Variants in BTNL9 observed in about 807,000 individuals in gnomAD.
BTNL9 encodes butyrophilin-like protein 9.
A neutral mutation model predicts 45.8 loss-of-function variants in BTNL9; 45 were observed. That is an observed-to-expected ratio of 0.98 (90% CI 0.77 to 1.26). The LOEUF (loss-of-function observed/expected upper bound fraction) is 1.26, where lower values mean the gene tolerates loss of function less well. Among genes scored for constraint, BTNL9 ranks in the 50% most tolerant of loss-of-function variants. The probability of loss-of-function intolerance (pLI) is 0.00; values close to 1 mark genes in which losing one functional copy is unlikely to be tolerated. For synonymous variants in BTNL9, 346 were observed against 330.8 expected (o/e 1.05, Z -0.50); for missense variants, 784 against 729.7 (o/e 1.07, Z -0.86).
chr5:181,043,696 C>T (rs1760927815), intron 1 of BTNL9, among the ~76,000 whole-genome samples: 1 of 152,188 alleles, frequency 6.6e-6, no homozygotes, highest in African/African-American at 2.4e-5. Flanking sequence ...GGAGCTCTAA[C>T]CTGTGTCTAG....
Position 181,053,128 on chromosome 5 carries a change from C to A in BTNL9, c.737-72C>A. ...CCGCGGGAGGTTTCCCGGCACGCGGCGGGCAGGCCGGTCTCGCCTCTCGGT... is the reference window on the plus strand; with the variant it reads ...CCGCGGGAGGTTTCCCGGCACGCGGAGGGCAGGCCGGTCTCGCCTCTCGGT... On this transcript the variant is annotated intron_variant, in intron 4 of 10. Coordinates refer to ENST00000327705, the MANE Select transcript of BTNL9 (RefSeq NM_152547.5). The surrounding 1 kb of genome is among the most constrained non-coding windows in gnomAD (Gnocchi z 6.5). 2 of 1,299,584 alleles carry A rather than the reference C, an allele frequency of 1.5e-6. No homozygotes were observed. Among genetic ancestry groups the A allele is most frequent in the Non-Finnish European group, 2.1e-6 (2 of 951,780 alleles). The allele number at this position is 1,299,584 out of a possible 1,614,324, so 80.5% of individuals were successfully genotyped here.
In BTNL9 at chr5:181,053,080, T is replaced by C. The variant is rs559743306; in HGVS notation, c.737-120T>C. Reference sequence around the variant, plus strand: ...GCTCCACGCCCGTTTCCCAGGCGGCTGCGGTGGCGCCCGGAGAAGGTCCCG... The same window carrying C: ...GCTCCACGCCCGTTTCCCAGGCGGCCGCGGTGGCGCCCGGAGAAGGTCCCG... On this transcript the variant is annotated intron_variant, in intron 4 of 10. Transcript: ENST00000327705. The surrounding 1 kb of genome is among the most constrained non-coding windows in gnomAD (Gnocchi z 6.5). The C allele has an allele frequency of 2.6e-4, 205 of 780,238 alleles. 2 individuals are homozygous for C. The South Asian group carries it at 3.8e-3, about 15-fold the overall frequency. 48.3% of individuals were successfully genotyped at this position (780,238 alleles called of 1,614,324 possible).
rs774252159 is a variant in BTNL9, at chr5:181,053,193, T to C, written c.737-7T>C. ...GGACCGACACGGCCCCCGCGGGTGT[T>C]TTCCAGACGTGTTCGTACCCGGAGC... is the stretch of plus-strand genomic sequence containing the variant. On this transcript the variant is annotated splice_region_variant and splice_polypyrimidine_tract_variant and intron_variant, in intron 4 of 10. Transcript: ENST00000327705. This position sits in a 1 kb window ranked among gnomAD's most constrained non-coding sequence, Gnocchi z 6.5. 8.8e-5 allele frequency: 138 copies of C among 1,574,128 alleles called. No homozygotes were observed. The highest frequency in any genetic ancestry group is 1.2e-4 in the Non-Finnish European group (134 of 1,161,560).
chr5:181,058,252 G>A (rs1761983313), intron 9 of BTNL9, 100 bp from the exon 10 acceptor site: 7 of 1,365,356 alleles, frequency 5.1e-6, no homozygotes, highest in Non-Finnish European at 7.3e-6. Context: ...GGGGTCATTC[G>A]ATCTGCATGC....
chr5:181,053,121 C>T lies in BTNL9; in HGVS notation c.737-79C>T. On this transcript the variant is annotated intron_variant, in intron 4 of 10. Coordinates refer to ENST00000327705, the MANE Select transcript of BTNL9 (RefSeq NM_152547.5). The surrounding 1 kb of genome is among the most constrained non-coding windows in gnomAD (Gnocchi z 6.5). ...GAAGGTCCCGCGGGAGGTTTCCCGGCACGCGGCGGGCAGGCCGGTCTCGCC... is the reference window on the plus strand; with the variant it reads ...GAAGGTCCCGCGGGAGGTTTCCCGGTACGCGGCGGGCAGGCCGGTCTCGCC... 7.9e-7 allele frequency: 1 copy of T among 1,261,206 alleles called. No homozygotes were observed. Among genetic ancestry groups the T allele is most frequent in the Non-Finnish European group, 1.1e-6 (1 of 919,252 alleles). 78.1% of individuals were successfully genotyped at this position (1,261,206 alleles called of 1,614,324 possible).
rs1213331607 is a variant in BTNL9 at position 181,060,987 on chromosome 5, C to T, written c.*1125C>T. ...AGAGACGGGGGTCTCACTTTGTTAC[C>T]CAGGCTGGTCTCAAACTCCTGCGCT... On this transcript the variant is annotated 3_prime_UTR_variant, in exon 11 of 11. Transcript: ENST00000327705. 1 of 152,160 alleles carries T rather than the reference C, an allele frequency of 6.6e-6. No individual in the cohort carries two copies. The highest frequency in any genetic ancestry group is 1.5e-5 in the Non-Finnish European group (1 of 68,072). 9.4% of individuals were successfully genotyped at this position (152,160 alleles called of 1,614,324 possible).
chr5:181,049,240 T>C (rs1292390352), intron 3 of BTNL9, among the ~76,000 whole-genome samples: 1 of 151,954 alleles, frequency 6.6e-6, no homozygotes, highest in Admixed American at 6.6e-5. Flanking sequence ...ATACCTCCAA[T>C]ATGAAAAAAG....
chr5:181,054,215 T>TC, intron 6 of BTNL9, 24 bp from the exon 7 acceptor site: 3 of 1,600,690 alleles, frequency 1.9e-6, no homozygotes, highest in Non-Finnish European at 2.6e-6. Context: ...CTTTTCTTCA[T>TC]CTTTTTTTTT....
At position 181,048,335 on chromosome 5, in the gene BTNL9, G is replaced by A. The variant is rs1056872877; in HGVS notation, c.454+64G>A. Reference sequence around the variant, plus strand: ...GATCCAGGTGCTTTGCCAAGTAGAGGTGGAGTCACAGAGAACAGAAGAATG... The same window carrying A: ...GATCCAGGTGCTTTGCCAAGTAGAGATGGAGTCACAGAGAACAGAAGAATG... On this transcript the variant is annotated intron_variant, in intron 3 of 10. Transcript: ENST00000327705. 11 of 1,405,588 alleles carry A rather than the reference G, an allele frequency of 7.8e-6. No homozygotes were observed. The African/African-American group carries it at 1.1e-4, about 15-fold the overall frequency. 87.1% of individuals were successfully genotyped at this position (1,405,588 alleles called of 1,614,324 possible).
rs762918387 is a variant in BTNL9 at position 181,059,535 on chromosome 5, C to T, written c.1281C>T (p.Gly427=). ...ACTGGGTGCTGGGGCTGTGGAACGG[C>T]TGCGAGTACTTCGTCCTGGCCCCGC... The part of the protein sequence containing the change: ...AGYWVLGLWN[G]CEYFVLAPHR... The change falls in exon 11 of 11, where the codon GGC becomes GGT. Residue 427 remains glycine (G), a synonymous_variant. Coordinates refer to ENST00000327705, the MANE Select transcript of BTNL9 (RefSeq NM_152547.5). The T allele has an allele frequency of 6.2e-7, 1 of 1,608,020 alleles. No individual in the cohort carries two copies. The highest frequency in any genetic ancestry group is 1.1e-5 in the South Asian group (1 of 90,826).
Position 181,057,810 on chromosome 5 carries a change from T to C in BTNL9, c.956-542T>C, listed in dbSNP as rs768811965. 4.6e-5 allele frequency among the ~76,000 whole-genome samples: 7 copies of C among 152,322 alleles called. No individual in the cohort carries two copies. The South Asian group carries it at 8.3e-4, about 18-fold the overall frequency. On this transcript the variant is annotated intron_variant, in intron 9 of 10. Coordinates refer to ENST00000327705, the MANE Select transcript of BTNL9 (RefSeq NM_152547.5). Reference sequence around the variant, plus strand: ...GGGCAGCAAAGCCTTGCTGTAAATATCTGGAGCTCTGAGAACGTCTTGTGT... The same window carrying C: ...GGGCAGCAAAGCCTTGCTGTAAATACCTGGAGCTCTGAGAACGTCTTGTGT...
At chr5:181,058,492 C>A in intron 10 of BTNL9, 114 bp downstream of exon 10, 2 of 1,382,888 alleles carry the variant, frequency 1.4e-6, no homozygotes, top group East Asian at 2.3e-5. Context: ...AAGTATGGGG[C>A]CTGCACACAC....
At chr5:181,057,554 A>G (rs1761946213) in intron 9 of BTNL9, among the ~76,000 whole-genome samples, 2 of 152,228 alleles carry the variant, frequency 1.3e-5, no homozygotes, top group Admixed American at 6.5e-5. Flanking sequence ...CTGAAAGTAC[A>G]AGTTTTCCTT....
In BTNL9 at chr5:181,045,448, C is replaced by T. The variant is rs74555255; in HGVS notation, c.-23-19C>T. The T allele has an allele frequency of 0.036, 49,116 of 1,350,220 alleles. 2,088 individuals carry two copies. Among genetic ancestry groups the T allele is most frequent in the African/African-American group, 0.19 (12,835 of 68,992 alleles). The allele number at this position is 1,350,220 out of a possible 1,614,324, so 83.6% of individuals were successfully genotyped here. A position where few individuals can be genotyped will look rare whatever the true frequency, so the allele number is the denominator to read the frequency against. On this transcript the variant is annotated intron_variant, in intron 1 of 10. Transcript: ENST00000327705. Reference sequence around the variant, plus strand: ...CCTACCTTTGCACGTCGCTCCAGCACCCCTTTGTCCCTCTCCAGGTGGCCC... The same window carrying T: ...CCTACCTTTGCACGTCGCTCCAGCATCCCTTTGTCCCTCTCCAGGTGGCCC...
intron 7 of BTNL9, chr5:181,054,899 C>T (rs1034506630): frequency 5.1e-6 from 5 of 985,362 alleles, no homozygotes; most frequent in African/African-American, 3.5e-5. Flanking sequence ...GCATGAATGC[C>T]TCTCCCAGGA....
intron 9 of BTNL9, among the ~76,000 whole-genome samples, chr5:181,057,721 C>T (rs1214690090): frequency 6.6e-6 from 1 of 152,208 alleles, no homozygotes; most frequent in East Asian, 1.9e-4. Context: ...CTTTGTAGAA[C>T]TGAGATATTC....
chr5:181,054,116 C>T (rs1057032491), intron 6 of BTNL9, 123 bp from the exon 7 acceptor site: 14 of 1,559,100 alleles, frequency 9.0e-6, no homozygotes, highest in Non-Finnish European at 1.2e-5. Flanking sequence ...CGCAGACCAC[C>T]GCGGGTGGGA....
At chr5:181,049,293 T>G (rs1761406307) in intron 3 of BTNL9, among the ~76,000 whole-genome samples, 1 of 152,122 alleles carries the variant, frequency 6.6e-6, no homozygotes, top group African/African-American at 2.4e-5. Flanking sequence ...TTAAAAACAA[T>G]TGCAAAATAG....
At chr5:181,043,088 GTAA>G (rs540461305) in intron 1 of BTNL9, among the ~76,000 whole-genome samples, 4 of 152,000 alleles carry the variant, frequency 2.6e-5, no homozygotes, top group African/African-American at 7.3e-5. Flanking sequence ...GGACCTATTA[GTAA>G]TAATAATAAT....
Sources: allele counts gnomAD v4.1 joint callset (sites outside exome capture counted in the v4.1 genomes callset), GRCh38; gene constraint gnomAD v4.1.1; non-coding constraint Gnocchi (gnomAD v3.1); transcripts MANE v1.5; gene names NCBI Gene and HGNC (gene_info 2026-07-23, HGNC 2026-07-21).